The following LOXHD1 variants were observed in gnomAD, a reference collection of about 807,000 sequenced individuals.
LOXHD1 encodes the protein lipoxygenase homology PLAT domains 1.
LOXHD1 carries 205 observed loss-of-function variants against 248.2 expected under a neutral mutation model. That is an observed-to-expected ratio of 0.83 (90% CI 0.74 to 0.93). The LOEUF is 0.93. LOXHD1 is among the 40% of genes least tolerant of loss of function. The pLI is 0.00. For synonymous variants in LOXHD1, 1,113 were observed against 1,162.8 expected (o/e 0.96, Z 0.87); for missense variants, 2,930 against 2,971.6 (o/e 0.99, Z 0.33).
intron 3 of LOXHD1, among the ~76,000 whole-genome samples, chr18:46,640,653 G>A (rs1041450194): frequency 6.6e-6 from 1 of 151,954 alleles, no homozygotes; most frequent in Non-Finnish European, 1.5e-5. Flanking sequence ...CTTGTACTAA[G>A]GCTTCAAAAA....
At chr18:46,641,834 G>A in intron 3 of LOXHD1, 122 bp downstream of exon 3, 1 of 932,374 alleles carries the variant, frequency 1.1e-6, no homozygotes, top group Non-Finnish European at 1.7e-6. Context: ...GAAAGATTTG[G>A]GCCTTTGGTA....
chr18:46,528,062 T>C (rs1272881949), intron 29 of LOXHD1, among the ~76,000 whole-genome samples: 2 of 152,196 alleles, frequency 1.3e-5, no homozygotes, highest in Non-Finnish European at 2.9e-5. Context: ...ATCCCAGGGC[T>C]AATATCCTCC....
Position 46,574,852 on chromosome 18 carries a change from C to T in LOXHD1, c.1971-2690G>A, listed in dbSNP as rs117691922. ...GGGTCAAAGTCACACAGCAGGTGGACGGCTAGACTTCTGGTTCCCAGCTCC... is the reference window on the plus strand; with the variant it reads ...GGGTCAAAGTCACACAGCAGGTGGATGGCTAGACTTCTGGTTCCCAGCTCC... On this transcript the variant is annotated intron_variant, in intron 14 of 40. Coordinates refer to ENST00000642948, the MANE Select transcript of LOXHD1 (RefSeq NM_001384474.1). Among the ~76,000 whole-genome samples the T allele has an allele frequency of 5.4e-3, 827 of 152,284 alleles. 5 individuals carry two copies. Among genetic ancestry groups the T allele is most frequent in the Middle Eastern group, 0.01 (3 of 294 alleles).
intron 1 of LOXHD1, 137 bp from the exon 2 acceptor site, chr18:46,649,406 T>G (rs1009227476): frequency 2.6e-5 from 18 of 682,182 alleles, no homozygotes; most frequent in Non-Finnish European, 4.5e-5. Flanking sequence ...CCTGTAGGCC[T>G]CTGAGCCATG....
At chr18:46,553,118 G>A (rs977361478) in intron 21 of LOXHD1, among the ~76,000 whole-genome samples, 1 of 152,114 alleles carries the variant, frequency 6.6e-6, no homozygotes. Context: ...CCTTCACTTG[G>A]TAACAGTGTT....
chr18:46,582,878 G>T (rs1164012413), intron 12 of LOXHD1, among the ~76,000 whole-genome samples: 3 of 152,176 alleles, frequency 2.0e-5, no homozygotes, highest in Admixed American at 6.5e-5. Context: ...GACTGAGGTG[G>T]TGGTTCCTAT....
Position 46,563,149 on chromosome 18 carries a change from G to A in LOXHD1, c.2514C>T (p.Ile838=). The A allele has an allele frequency of 6.5e-7, 1 of 1,543,924 alleles. No individual in the cohort carries two copies. Among genetic ancestry groups the A allele is most frequent in the Non-Finnish European group, 8.8e-7 (1 of 1,140,404 alleles). The part of the protein sequence containing the change: ...AGTSARVYMQ[I]YGEKGKTEVL... ...CTTCTGTCTTGCCTTTCTCTCCATA[G>A]ATCTGCATGTAGACTCGGGCACTGG... Residue 838 remains isoleucine (I), a synonymous_variant, in exon 18 of 41, where the codon ATC becomes ATT. Coordinates refer to ENST00000642948, the MANE Select transcript of LOXHD1 (RefSeq NM_001384474.1).
intron 4 of LOXHD1, among the ~76,000 whole-genome samples, chr18:46,620,281 A>G (rs747697919): frequency 3.3e-5 from 5 of 152,158 alleles, no homozygotes; most frequent in Non-Finnish European, 7.4e-5. Flanking sequence ...TCCAGGGCTC[A>G]CTTCACAGAG....
chr18:46,511,382 T>A (rs1332348561), intron 34 of LOXHD1, among the ~76,000 whole-genome samples: 1 of 152,200 alleles, frequency 6.6e-6, no homozygotes, highest in East Asian at 1.9e-4. Flanking sequence ...AGGGCTGTTG[T>A]GTGGCCCAGG....
chr18:46,599,886 T>C (rs2038309455), intron 8 of LOXHD1, among the ~76,000 whole-genome samples: 1 of 152,114 alleles, frequency 6.6e-6, no homozygotes, highest in South Asian at 2.1e-4. Context: ...ACCTCCAAAA[T>C]GGTGAAAATT....
At chr18:46,485,173 AG>A (rs1196801579) in intron 38 of LOXHD1, 22 bp from the exon 39 acceptor site, 1 of 1,542,898 alleles carries the variant, frequency 6.5e-7, no homozygotes, top group Non-Finnish European at 8.8e-7. Context: ...GAGGTGGGGG[AG>A]GGTCAGCACA....
At chr18:46,649,334 G>A in intron 1 of LOXHD1, 65 bp from the exon 2 acceptor site, 1 of 1,368,446 alleles carries the variant, frequency 7.3e-7, no homozygotes, top group Non-Finnish European at 1.0e-6. Flanking sequence ...GTGTGGGCCT[G>A]GAGAATCCAG....
At chr18:46,536,984 C>A (rs1366715310) in intron 26 of LOXHD1, among the ~76,000 whole-genome samples, 2 of 152,200 alleles carry the variant, frequency 1.3e-5, no homozygotes, top group East Asian at 3.9e-4. Flanking sequence ...TGCCATCTAT[C>A]CAAGTTACAT....
At chr18:46,477,980 G>C (rs778706876) in intron 40 of LOXHD1, 28 bp from the exon 41 acceptor site, 17 of 1,538,252 alleles carry the variant, frequency 1.1e-5, no homozygotes, top group East Asian at 2.5e-5. Flanking sequence ...GAGTGGAGGG[G>C]TAGGGGCTAA....
chr18:46,490,805 TAACTC>T (rs1179820480), intron 37 of LOXHD1, among the ~76,000 whole-genome samples: 14 of 152,246 alleles, frequency 9.2e-5, no homozygotes, highest in Non-Finnish European at 1.9e-4. Context: ...ATTTGTTTCT[TAACTC>T]AATTAATCTT....
At chr18:46,591,875 CG>C in intron 12 of LOXHD1, 57 bp downstream of exon 12, 1 of 1,544,940 alleles carries the variant, frequency 6.5e-7, no homozygotes, top group East Asian at 2.4e-5. Flanking sequence ...TCAGGCCCAT[CG>C]GGACACCAAG....
At chr18:46,527,125 TGA>T (rs944540080) in intron 29 of LOXHD1, among the ~76,000 whole-genome samples, 1 of 148,666 alleles carries the variant, frequency 6.7e-6, no homozygotes, top group African/African-American at 2.5e-5. Context: ...TAACAATTGC[TGA>T]GAGAGAGGAA....
Position 46,485,102 on chromosome 18 carries a change from G to T in LOXHD1, c.6099C>A (p.Asn2033Lys), listed in dbSNP as rs146200756. The T allele has an allele frequency of 6.5e-7, 1 of 1,549,772 alleles. No homozygotes were observed. Among genetic ancestry groups the T allele is most frequent in the Admixed American group, 2.0e-5 (1 of 50,658 alleles). Reference sequence around the variant, plus strand: ...TCCTGCCCTCCAGGATGAGCCAGACGTTCTCCCTGGTTTCGCCTCCGTTGC... The same window carrying T: ...TCCTGCCCTCCAGGATGAGCCAGACTTTCTCCCTGGTTTCGCCTCCGTTGC... The part of the protein sequence containing the change: ...ETGNGGETRE[N>K]VWLILEGRKN... Residue 2033 changes from asparagine to lysine, a missense_variant, in exon 39 of 41, where the codon AAC (asparagine) becomes AAA (lysine). Physicochemically the swap from Asn to Lys is moderately conservative, Grantham distance 94. Coordinates refer to ENST00000642948, the MANE Select transcript of LOXHD1 (RefSeq NM_001384474.1).
intron 37 of LOXHD1, among the ~76,000 whole-genome samples, chr18:46,500,465 G>C (rs1830248560): frequency 6.6e-6 from 1 of 152,096 alleles, no homozygotes; most frequent in South Asian, 2.1e-4. Context: ...TTCTCAAATC[G>C]GTCTGCTTTT....
Sources: gnomAD v4.1 joint callset for allele counts (sites outside exome capture counted in the v4.1 genomes callset) on GRCh38, gnomAD v4.1.1 for gene constraint, MANE v1.5 for transcripts, NCBI Gene and HGNC (gene_info 2026-07-23, HGNC 2026-07-21) for gene names.